PCDHGB6: variants seen among roughly 807,000 people sequenced by gnomAD.
PCDHGB6 encodes the protein protocadherin gamma-B6.
In PCDHGB6, 51 loss-of-function variants were observed where a neutral mutation model predicts 59.1. That is an observed-to-expected ratio of 0.86 (90% CI 0.69 to 1.09). PCDHGB6 has a LOEUF of 1.09. Among genes scored for constraint, PCDHGB6 ranks in the 50% least tolerant of loss-of-function variants. The probability of loss-of-function intolerance (pLI) is 0.00; values close to 1 mark genes in which losing one functional copy is unlikely to be tolerated. For synonymous variants in PCDHGB6, 466 were observed against 495.1 expected, an observed-to-expected ratio of 0.94 and a Z score of 0.78; for missense variants, 1,148 against 1,205.1, an observed-to-expected ratio of 0.95 and a Z score of 0.70.
Position 141,408,389 on chromosome 5 carries a change from G to T in PCDHGB6, c.187G>T (p.Ala63Ser). 6.2e-7 allele frequency: 1 copy of T among 1,614,032 alleles called. No homozygotes were observed. Among genetic ancestry groups the T allele is most frequent in the Non-Finnish European group, 8.5e-7 (1 of 1,179,874 alleles). Residue 63 changes from alanine to serine, a missense_variant, in exon 1 of 4, where the codon GCT becomes TCT. This residue lies in a region of PCDHGB6 where 307 missense variants were observed against 323.8 expected (regional missense o/e 0.95). Transcript: ENST00000520790. Reference sequence around the variant, plus strand: ...AGGGCTCAGTGTCCTGGATGTGTCGGCTCGCAAGCTGCGAGTGAGCGCGGA... The same window carrying T: ...AGGGCTCAGTGTCCTGGATGTGTCGTCTCGCAAGCTGCGAGTGAGCGCGGA... ...DLGLSVLDVSARKLRVSAEKL... is the reference protein window; with the variant it reads ...DLGLSVLDVSSRKLRVSAEKL...
In PCDHGB6 at chr5:141,408,338, G is replaced by C; in HGVS notation, c.136G>C (p.Val46Leu). Residue 46 changes from valine (V) to leucine (L), a missense_variant, in exon 1 of 4, where the codon GTG becomes CTG. Coordinates refer to ENST00000520790, the MANE Select transcript of PCDHGB6 (RefSeq NM_018926.3). Reference protein sequence around the residue: ...SIPEELAKGSVVGNLAKDLGL... With the variant: ...SIPEELAKGSLVGNLAKDLGL... Reference sequence around the variant, plus strand: ...TCCGGAGGAGCTGGCCAAGGGCTCGGTGGTGGGGAACCTCGCTAAGGATCT... The same window carrying C: ...TCCGGAGGAGCTGGCCAAGGGCTCGCTGGTGGGGAACCTCGCTAAGGATCT... 1 of 1,613,958 alleles carries C rather than the reference G, an allele frequency of 6.2e-7. No individual in the cohort carries two copies. Among genetic ancestry groups the C allele is most frequent in the Non-Finnish European group, 8.5e-7 (1 of 1,179,794 alleles).
At chr5:141,430,584 G>A (rs1451886397) in intron 1 of PCDHGB6, 3 of 495,136 alleles carry the variant, frequency 6.1e-6, no homozygotes, top group African/African-American at 5.9e-5. Flanking sequence ...GATCCTGCTC[G>A]CCTTGCACGC....
intron 1 of PCDHGB6, among the ~76,000 whole-genome samples, chr5:141,466,225 C>A (rs925594512): frequency 2.0e-5 from 3 of 152,028 alleles, no homozygotes; most frequent in Admixed American, 6.6e-5. Flanking sequence ...GGCTGGAGTG[C>A]AGTGGCACCA....
intron 1 of PCDHGB6, chr5:141,419,239 C>T (rs374093302): frequency 3.7e-6 from 6 of 1,614,008 alleles, no homozygotes; most frequent in East Asian, 2.2e-5. Context: ...ACCTGGTCCA[C>T]GTGCCAGAAA....
At chr5:141,492,008 G>A (rs1201433644) in intron 1 of PCDHGB6, 21 of 616,588 alleles carry the variant, frequency 3.4e-5, no homozygotes, top group Admixed American at 2.9e-4. Flanking sequence ...CGATTTCCGC[G>A]GGTGTCGGGG....
chr5:141,487,826 T>C lies in PCDHGB6; in HGVS notation c.2419-6981T>C, dbSNP rs1321152837. 24 of 1,187,814 alleles carry C rather than the reference T, an allele frequency of 2.0e-5. No homozygotes were observed. The highest frequency in any genetic ancestry group is 2.8e-5 in the Non-Finnish European group (24 of 856,356). The allele number at this position is 1,187,814 out of a possible 1,614,324, so 73.6% of individuals were successfully genotyped here. On this transcript the variant is annotated intron_variant, in intron 1 of 3. Coordinates refer to ENST00000520790, the MANE Select transcript of PCDHGB6 (RefSeq NM_018926.3). The surrounding 1 kb of genome is among the most constrained non-coding windows in gnomAD (Gnocchi z 5.0). ...ACAGTTTAGCATTGGGGGCGGGTCA[T>C]GCCTATATCTGAGTAAGAAATGAAA... is the stretch of plus-strand genomic sequence containing the variant.
chr5:141,456,229 C>G (rs191169523), intron 1 of PCDHGB6, among the ~76,000 whole-genome samples: 9 of 152,234 alleles, frequency 5.9e-5, no homozygotes, highest in African/African-American at 1.7e-4. Context: ...ATCAAACTAA[C>G]TGCTGTTAGG....
Position 141,410,369 on chromosome 5 carries a change from A to G in PCDHGB6, c.2167A>G (p.Thr723Ala). The G allele has an allele frequency of 6.2e-7, 1 of 1,613,954 alleles. No individual in the cohort carries two copies. The change falls in exon 1 of 4, where the codon ACT becomes GCT. Residue 723 changes from threonine (T) to alanine (A), a missense_variant. Transcript: ENST00000520790. The part of the protein sequence containing the change: ...LRLRRSLSPA[T>A]WDCFHPGLCV... ...CCTGCGACGCTCTCTCAGCCCTGCT[A>G]CTTGGGACTGCTTCCATCCTGGTCT...
At chr5:141,501,869 C>G (rs1595765055) in intron 2 of PCDHGB6, among the ~76,000 whole-genome samples, 1 of 152,130 alleles carries the variant, frequency 6.6e-6, no homozygotes, top group Non-Finnish European at 1.5e-5. Context: ...CCCAGGACGC[C>G]TCCTTACACT....
Position 141,409,838 on chromosome 5 carries a change from G to T in PCDHGB6, c.1636G>T (p.Val546Leu). 1 of 1,611,532 alleles carries T rather than the reference G, an allele frequency of 6.2e-7. No individual in the cohort carries two copies. Among genetic ancestry groups the T allele is most frequent in the Non-Finnish European group, 8.5e-7 (1 of 1,179,126 alleles). ...DHGSPTLSAN[V>L]SLRVLVGDRN... ...CGGCTCGCCCACGCTCAGCGCCAAC[G>T]TGAGCCTGCGCGTGTTGGTGGGAGA... Residue 546 changes from valine to leucine, a missense_variant, in exon 1 of 4, where the codon GTG becomes TTG. By Grantham distance (32) the Val-to-Leu change is conservative (BLOSUM62 1). This residue lies in a region of PCDHGB6 where 549 missense variants were observed against 527.5 expected (regional missense o/e 1.04). Coordinates refer to ENST00000520790, the MANE Select transcript of PCDHGB6 (RefSeq NM_018926.3).
intron 1 of PCDHGB6, among the ~76,000 whole-genome samples, chr5:141,467,938 C>A (rs527892047): frequency 9.8e-5 from 15 of 152,304 alleles, no homozygotes; most frequent in Non-Finnish European, 1.5e-4. Flanking sequence ...GGATTACAAG[C>A]ATGAGCCACC....
intron 2 of PCDHGB6, among the ~76,000 whole-genome samples, chr5:141,501,530 G>A (rs556760554): frequency 3.5e-4 from 53 of 151,998 alleles, no homozygotes; most frequent in Admixed American, 2.2e-3. Context: ...AGCCCAGTAC[G>A]TTGTTGTGCA....
chr5:141,466,197 G>A (rs2099118639), intron 1 of PCDHGB6, among the ~76,000 whole-genome samples: 1 of 151,666 alleles, frequency 6.6e-6, no homozygotes, highest in South Asian at 2.1e-4. Flanking sequence ...TTCAGACACA[G>A]CCTTGCTCTG....
chr5:141,422,433 T>C, intron 1 of PCDHGB6: 2 of 1,609,628 alleles, frequency 1.2e-6, no homozygotes. Context: ...ATGGAAATTA[T>C]TACAAATTGA....
chr5:141,478,100 C>T, intron 1 of PCDHGB6: 1 of 1,614,124 alleles, frequency 6.2e-7, no homozygotes, highest in Non-Finnish European at 8.5e-7. Context: ...CACTGCTACC[C>T]TCACTGTGTC....
rs553104661 is a variant in PCDHGB6 at position 141,460,009 on chromosome 5, C to T, written c.2419-34798C>T. ...AGGAGAATCGCTTGAACCCAGGAGG[C>T]GGAGGTTGCAGTGAGCCGAGACTGC... On this transcript the variant is annotated intron_variant, in intron 1 of 3. Coordinates refer to ENST00000520790, the MANE Select transcript of PCDHGB6 (RefSeq NM_018926.3). 9.9e-4 allele frequency among the ~76,000 whole-genome samples: 150 copies of T among 152,212 alleles called. 1 individual carries two copies. The highest frequency in any genetic ancestry group is 3.4e-3 in the Middle Eastern group (1 of 294).
At chr5:141,506,092 G>A (rs1595997534) in intron 3 of PCDHGB6, among the ~76,000 whole-genome samples, 1 of 152,142 alleles carries the variant, frequency 6.6e-6, no homozygotes, top group Admixed American at 6.6e-5. Flanking sequence ...TTCGGCTAGT[G>A]GTGGTTGTCC....
intron 1 of PCDHGB6, among the ~76,000 whole-genome samples, chr5:141,482,828 T>G (rs1274498876): frequency 4.4e-5 from 6 of 135,272 alleles, no homozygotes; most frequent in Non-Finnish European, 9.5e-5. Flanking sequence ...TCCTAGCACT[T>G]TGGGAGGCCA....
intron 1 of PCDHGB6, chr5:141,442,378 GGT>G (rs2098320015): frequency 6.6e-6 from 1 of 152,334 alleles, no homozygotes; most frequent in Middle Eastern, 3.4e-3. Context: ...ATTCCTACCA[GGT>G]GTGTGCTTCT....
Sources: gnomAD v4.1 joint callset for allele counts (sites outside exome capture counted in the v4.1 genomes callset) on GRCh38, gnomAD v4.1.1 for gene constraint, gnomAD v4.1.1 regional missense constraint, Gnocchi (gnomAD v3.1) non-coding constraint, MANE v1.5 for transcripts, NCBI Gene and HGNC (gene_info 2026-07-23, HGNC 2026-07-21) for gene names.